The following CLASP2 variants were observed in gnomAD, a reference collection of about 807,000 sequenced individuals.
The protein encoded by CLASP2 is CLIP-associating protein 2.
Under a neutral mutation model 194.4 loss-of-function variants are expected in CLASP2, and 47 were observed. That is an observed-to-expected ratio of 0.24 (90% CI 0.19 to 0.31). The LOEUF (loss-of-function observed/expected upper bound fraction) is 0.31. Among genes scored for constraint, CLASP2 ranks in the 10% least tolerant of loss-of-function variants. The probability of loss-of-function intolerance (pLI) is 1.00; values close to 1 mark genes in which losing one functional copy is unlikely to be tolerated. For synonymous variants in CLASP2, 619 were observed against 633.5 expected (o/e 0.98, Z 0.34); for missense variants, 1,445 against 1,823.6 (o/e 0.79, Z 3.78).
chr3:33,558,832 T>TA (rs78742392), intron 29 of CLASP2: 134 of 145,332 alleles, frequency 9.2e-4, no homozygotes, highest in South Asian at 1.5e-3. Context: ...GCCTGACACT[T>TA]AAAAAAAAAA....
intron 18 of CLASP2, among the ~76,000 whole-genome samples, chr3:33,601,179 C>T (rs922646483): frequency 6.6e-6 from 1 of 152,012 alleles, no homozygotes; most frequent in Non-Finnish European, 1.5e-5. Flanking sequence ...CCAGGATGGT[C>T]TCGATCTCCT....
intron 6 of CLASP2, among the ~76,000 whole-genome samples, chr3:33,670,151 C>T (rs1157465594): frequency 6.6e-6 from 1 of 151,864 alleles, no homozygotes; most frequent in Non-Finnish European, 1.5e-5. Context: ...ATAATTTTAA[C>T]AGAAAGAAGT....
chr3:33,557,940 C>T (rs1008239772), intron 29 of CLASP2, among the ~76,000 whole-genome samples: 1 of 152,222 alleles, frequency 6.6e-6, no homozygotes, highest in East Asian at 1.9e-4. Context: ...TAGAAGGCTA[C>T]ATAGTTCTTC....
rs1459349693 is a variant in CLASP2, at chr3:33,649,354, A to G, written c.716-4451T>C. On this transcript the variant is annotated intron_variant, in intron 7 of 38. Transcript: ENST00000682230. The stretch of plus-strand genomic sequence containing the variant: ...CTTATCTGTGTCCTGCTACTGAAAT[A>G]TATGAGCTGTGGGATTAAAAACTTT... 5.3e-5 allele frequency among the ~76,000 whole-genome samples: 8 copies of G among 152,216 alleles called. No homozygotes were observed. In the East Asian group the frequency reaches 1.5e-3, roughly 29 times the overall value.
intron 32 of CLASP2, among the ~76,000 whole-genome samples, chr3:33,539,357 G>A (rs918995469): frequency 6.6e-6 from 1 of 151,366 alleles, no homozygotes; most frequent in Non-Finnish European, 1.5e-5. Flanking sequence ...TTTTGGAGAC[G>A]AAATCTCACT....
At chr3:33,604,823 A>C (rs2073364270) in intron 16 of CLASP2, among the ~76,000 whole-genome samples, 1 of 152,120 alleles carries the variant, frequency 6.6e-6, no homozygotes, top group Non-Finnish European at 1.5e-5. Context: ...ACCAAAGAGA[A>C]CTCGATAACA....
intron 14 of CLASP2, 149 bp downstream of exon 14, chr3:33,608,418 G>T: frequency 4.5e-6 from 3 of 672,806 alleles, no homozygotes; most frequent in Non-Finnish European, 7.9e-6. Context: ...TGAGTAAGAG[G>T]AGCACAACAC....
intron 7 of CLASP2, among the ~76,000 whole-genome samples, chr3:33,647,342 C>T (rs2082437270): frequency 6.6e-6 from 1 of 152,134 alleles, no homozygotes; most frequent in African/African-American, 2.4e-5. Flanking sequence ...CTGAGCATCA[C>T]CGGGCAATTT....
rs1177057729 is a variant in CLASP2 at position 33,659,005 on chromosome 3, G to A, written c.715+4440C>T. 2.0e-6 allele frequency: 3 copies of A among 1,535,928 alleles called. No individual in the cohort carries two copies. In the South Asian group the frequency reaches 3.6e-5, roughly 18 times the overall value. On this transcript the variant is annotated intron_variant, in intron 7 of 38. Transcript: ENST00000682230. ...CCATAGCCATTAGATGGTCCAGGGA[G>A]CTCTCTGAAACCAAGAGGTCAAATA...
chr3:33,714,564 A>G (rs1365629331), intron 1 of CLASP2, among the ~76,000 whole-genome samples: 1 of 151,952 alleles, frequency 6.6e-6, no homozygotes, highest in East Asian at 1.9e-4. Flanking sequence ...CTCAAACCCA[A>G]TCCACCAGGA....
chr3:33,555,758 T>C (rs998446884), intron 29 of CLASP2, among the ~76,000 whole-genome samples: 1 of 152,230 alleles, frequency 6.6e-6, no homozygotes, highest in Non-Finnish European at 1.5e-5. Flanking sequence ...AACATCAATG[T>C]ATTTTGTTTA....
chr3:33,520,474 C>G (rs1484885796), intron 34 of CLASP2, among the ~76,000 whole-genome samples: 4 of 152,150 alleles, frequency 2.6e-5, no homozygotes, highest in African/African-American at 9.7e-5. Context: ...TCAGCCCAGA[C>G]AGGTAGGAAG....
At chr3:33,580,902 G>A (rs1309854007) in intron 23 of CLASP2, among the ~76,000 whole-genome samples, 1 of 151,108 alleles carries the variant, frequency 6.6e-6, no homozygotes, top group African/African-American at 2.4e-5. Flanking sequence ...TGTAGTCCCA[G>A]CTACTCAGGA....
chr3:33,576,174 C>T lies in CLASP2; in HGVS notation c.2449G>A (p.Ala817Thr), dbSNP rs1281211293. The change falls in exon 24 of 39, where the codon GCC becomes ACC. Residue 817 changes from alanine (A) to threonine (T), a missense_variant. Transcript: ENST00000682230. ...GSDVEEAVAD[A>T]LKKPARRRYE... ...AAGAAAATGGAGAAGAGTACCAAGG[C>T]ATCTGCCACCGCCTCCTCCACATCA... 3 of 1,612,372 alleles carry T rather than the reference C, an allele frequency of 1.9e-6. No individual in the cohort carries two copies. The highest frequency in any genetic ancestry group is 2.5e-6 in the Non-Finnish European group (3 of 1,178,628).
intron 21 of CLASP2, among the ~76,000 whole-genome samples, chr3:33,591,152 G>A (rs2068701848): frequency 6.6e-6 from 1 of 152,090 alleles, no homozygotes; most frequent in South Asian, 2.1e-4. Flanking sequence ...ACTATAGCCT[G>A]GGTGACAAGA....
chr3:33,537,782 A>T (rs1162946383), intron 33 of CLASP2, among the ~76,000 whole-genome samples: 1 of 152,180 alleles, frequency 6.6e-6, no homozygotes, highest in Admixed American at 6.5e-5. Flanking sequence ...ATAAACTGAC[A>T]ATGCAAATTA....
chr3:33,699,492 A>C (rs2092214307), intron 1 of CLASP2, among the ~76,000 whole-genome samples: 1 of 152,168 alleles, frequency 6.6e-6, no homozygotes, highest in Admixed American at 6.6e-5. Flanking sequence ...CATTAAATAC[A>C]CAAGTACAGA....
At chr3:33,559,696 A>G (rs1354056493) in intron 28 of CLASP2, among the ~76,000 whole-genome samples, 1 of 152,154 alleles carries the variant, frequency 6.6e-6, no homozygotes, top group Non-Finnish European at 1.5e-5. Flanking sequence ...GGAGTTCGAG[A>G]CCAGCGTGAC....
At chr3:33,595,823 A>T (rs2070168455) in intron 19 of CLASP2, among the ~76,000 whole-genome samples, 1 of 152,044 alleles carries the variant, frequency 6.6e-6, no homozygotes, top group Non-Finnish European at 1.5e-5. Context: ...CTATCATTTC[A>T]TTCAATATTT....
Sources: allele counts gnomAD v4.1 joint callset (sites outside exome capture counted in the v4.1 genomes callset), GRCh38; gene constraint gnomAD v4.1.1; transcripts MANE v1.5; gene names NCBI Gene and HGNC (gene_info 2026-07-23, HGNC 2026-07-21).